Variants in GALNTL6 observed in about 807,000 individuals in gnomAD.
GALNTL6 encodes polypeptide N-acetylgalactosaminyltransferase-like 6.
In GALNTL6, 46 loss-of-function variants were observed where a neutral mutation model predicts 73.7. That is an observed-to-expected ratio of 0.62 (90% CI 0.49 to 0.80). GALNTL6 has a LOEUF of 0.80. Ranked by LOEUF, GALNTL6 falls within the 30% of genes least tolerant of loss-of-function variation. The pLI, the probability that GALNTL6 is intolerant of heterozygous loss-of-function variation, is 0.00. For missense variants in GALNTL6, 604 were observed against 755.0 expected (o/e 0.80, Z 2.34); for synonymous variants, 259 against 263.7 (o/e 0.98, Z 0.17).
intron 7 of GALNTL6, among the ~76,000 whole-genome samples, chr4:172,834,852 C>G (rs1742825073): frequency 6.6e-6 from 1 of 152,238 alleles, no homozygotes; most frequent in Admixed American, 6.5e-5. Context: ...ACAATGTTCT[C>G]TATCTTCTTC....
chr4:172,642,962 T>C (rs1740059081), intron 5 of GALNTL6, among the ~76,000 whole-genome samples: 1 of 151,934 alleles, frequency 6.6e-6, no homozygotes, highest in South Asian at 2.1e-4. Flanking sequence ...TTAAATTATA[T>C]AATTTCTGTT....
At chr4:172,122,553 C>T (rs146552357) in intron 2 of GALNTL6, among the ~76,000 whole-genome samples, 255 of 152,130 alleles carry the variant, frequency 1.7e-3, no homozygotes, top group African/African-American at 6.0e-3. Context: ...AGTAATATTA[C>T]GGAAGTGTTA....
chr4:172,162,249 G>A (rs1263461203), intron 2 of GALNTL6, among the ~76,000 whole-genome samples: 2 of 151,734 alleles, frequency 1.3e-5, no homozygotes, highest in African/African-American at 4.8e-5. Context: ...AGTGGGAGAG[G>A]ATTGCTTGAG....
At chr4:172,305,369 T>C (rs1740093287) in intron 3 of GALNTL6, among the ~76,000 whole-genome samples, 1 of 152,158 alleles carries the variant, frequency 6.6e-6, no homozygotes, top group Non-Finnish European at 1.5e-5. Flanking sequence ...ATTTAATTTG[T>C]ATATTTTGAT....
At chr4:172,259,436 C>T (rs1176497629) in intron 3 of GALNTL6, among the ~76,000 whole-genome samples, 1 of 147,296 alleles carries the variant, frequency 6.8e-6, no homozygotes, top group Non-Finnish European at 1.5e-5. Flanking sequence ...CTTTTACCCA[C>T]TTTTTGATGG....
chr4:172,215,949 C>A (rs1284388502), intron 2 of GALNTL6, among the ~76,000 whole-genome samples: 1 of 152,062 alleles, frequency 6.6e-6, no homozygotes, highest in African/African-American at 2.4e-5. Context: ...CAGTACCTTG[C>A]TTTCTATGTA....
At chr4:172,133,110 C>G (rs893513782) in intron 2 of GALNTL6, among the ~76,000 whole-genome samples, 13 of 152,334 alleles carry the variant, frequency 8.5e-5, no homozygotes, top group African/African-American at 3.1e-4. Context: ...GAAAGAACAT[C>G]AATGTGCTTA....
rs371380329 is a variant in GALNTL6, at chr4:171,988,829, A to G, written c.138+174111A>G. Among the ~76,000 whole-genome samples, 913 of 152,140 alleles carry G rather than the reference A, an allele frequency of 6.0e-3. 8 individuals are homozygous for G. The highest frequency in any genetic ancestry group is 0.012 in the South Asian group (59 of 4,798). Reference sequence around the variant, plus strand: ...GTTTTAATAGGATGGTAAGGGGGGCATGATCGGTCGCTAAGGAGGGAGTAG... The same window carrying G: ...GTTTTAATAGGATGGTAAGGGGGGCGTGATCGGTCGCTAAGGAGGGAGTAG... On this transcript the variant is annotated intron_variant, in intron 2 of 12. Transcript: ENST00000506823.
Position 172,582,387 on chromosome 4 carries a change from AG to A in GALNTL6, c.554-226972del, listed in dbSNP as rs1200733904. 1.2e-4 allele frequency among the ~76,000 whole-genome samples: 19 copies of A among 152,062 alleles called. 1 individual carries two copies. The highest frequency in any genetic ancestry group is 4.6e-4 in the Admixed American group (7 of 15,256). ...CTATCCCTTGGTATCTTGGTATCCGAGGATTGGTTCTAGGATCCCCACAGAT... is the reference window on the plus strand; with the variant it reads ...CTATCCCTTGGTATCTTGGTATCCGAGATTGGTTCTAGGATCCCCACAGAT... On this transcript the variant is annotated intron_variant, in intron 5 of 12. Coordinates refer to ENST00000506823, the MANE Select transcript of GALNTL6 (RefSeq NM_001034845.3).
chr4:172,142,053 T>G (rs968700087), intron 2 of GALNTL6, among the ~76,000 whole-genome samples: 2 of 152,074 alleles, frequency 1.3e-5, no homozygotes, highest in Non-Finnish European at 2.9e-5. Flanking sequence ...CCTAGATTTA[T>G]TCTTCAGAAA....
At chr4:172,528,989 G>GTA (rs772954347) in intron 5 of GALNTL6, among the ~76,000 whole-genome samples, 27,445 of 50,816 alleles carry the variant, frequency 0.54, 5,072 homozygotes, top group Middle Eastern at 0.59. Flanking sequence ...ATACATATGT[G>GTA]TGTATATATA....
chr4:172,224,058 T>C (rs1239397680), intron 2 of GALNTL6, among the ~76,000 whole-genome samples: 1 of 152,190 alleles, frequency 6.6e-6, no homozygotes, highest in East Asian at 1.9e-4. Context: ...TTTAAGGTTT[T>C]TCTCAGTGAC....
chr4:171,905,541 A>G (rs1467727170), intron 2 of GALNTL6, among the ~76,000 whole-genome samples: 3 of 150,186 alleles, frequency 2.0e-5, no homozygotes, highest in African/African-American at 7.5e-5. Context: ...CACATTAATA[A>G]TGGGAGACTT....
chr4:172,166,938 C>T (rs1012502997), intron 2 of GALNTL6, among the ~76,000 whole-genome samples: 1 of 152,140 alleles, frequency 6.6e-6, no homozygotes, highest in Non-Finnish European at 1.5e-5. Flanking sequence ...GAGAAGGGGA[C>T]AAGCCATTCT....
chr4:172,725,051 C>A (rs1057057590), intron 5 of GALNTL6, among the ~76,000 whole-genome samples: 3 of 152,116 alleles, frequency 2.0e-5, no homozygotes, highest in African/African-American at 7.2e-5. Context: ...AAGTATTTTT[C>A]CCCTGTCTCC....
intron 2 of GALNTL6, among the ~76,000 whole-genome samples, chr4:171,872,314 A>T (rs1212042054): frequency 1.3e-5 from 2 of 152,246 alleles, no homozygotes; most frequent in Admixed American, 6.5e-5. Flanking sequence ...GCCTTATATT[A>T]AATTGATTTT....
chr4:172,263,519 C>T (rs924019287), intron 3 of GALNTL6, among the ~76,000 whole-genome samples: 14 of 151,064 alleles, frequency 9.3e-5, no homozygotes, highest in Non-Finnish European at 1.6e-4. Flanking sequence ...TCATCCATAT[C>T]CTGTATTTTT....
At chr4:172,351,885 C>G (rs1024787117) in intron 5 of GALNTL6, among the ~76,000 whole-genome samples, 1 of 152,062 alleles carries the variant, frequency 6.6e-6, no homozygotes, top group African/African-American at 2.4e-5. Flanking sequence ...TTCAGATACT[C>G]TACAAGATCC....
chr4:173,024,461 T>TA (rs1753148108), intron 12 of GALNTL6, among the ~76,000 whole-genome samples: 1 of 152,256 alleles, frequency 6.6e-6, no homozygotes, highest in African/African-American at 2.4e-5. Flanking sequence ...ATTCCTCTTG[T>TA]TTTTTCCAAG....
Sources: allele counts gnomAD v4.1 joint callset (sites outside exome capture counted in the v4.1 genomes callset), GRCh38; gene constraint gnomAD v4.1.1; transcripts MANE v1.5; gene names NCBI Gene and HGNC (gene_info 2026-07-23, HGNC 2026-07-21).